The following ASCC3 variants were observed in gnomAD, a reference collection of about 807,000 sequenced individuals.
The protein encoded by ASCC3 is activating signal cointegrator 1 complex subunit 3.
In ASCC3, 158 loss-of-function variants were observed where a neutral mutation model predicts 256.3. The observed-to-expected ratio is 0.62, with a 90% CI of 0.54 to 0.70. ASCC3 has a LOEUF of 0.70. Ranked by LOEUF, ASCC3 falls within the 30% of genes least tolerant of loss-of-function variation. The pLI, the probability that ASCC3 is intolerant of heterozygous loss-of-function variation, is 0.00. For synonymous variants in ASCC3, 948 were observed against 883.4 expected (o/e 1.07, Z -1.30); for missense variants, 2,259 against 2,626.0 (o/e 0.86, Z 3.05).
In ASCC3 at chr6:100,605,666, C is replaced by G; in HGVS notation, c.5079G>C (p.Pro1693=). The change falls in exon 33 of 42, where the codon CCG becomes CCC. Residue 1693 remains proline, a synonymous_variant. Coordinates refer to ENST00000369162, the MANE Select transcript of ASCC3 (RefSeq NM_006828.4). ...CAGCTTTGCCTTGGTCATCGAACTGCGGCCTCCCAGCACGCCCCATCATCT... is the reference window on the plus strand; with the variant it reads ...CAGCTTTGCCTTGGTCATCGAACTGGGGCCTCCCAGCACGCCCCATCATCT... ...VLQMMGRAGR[P]QFDDQGKAVI... 1 of 1,613,020 alleles carries G rather than the reference C, an allele frequency of 6.2e-7. No homozygotes were observed. The highest frequency in any genetic ancestry group is 8.5e-7 in the Non-Finnish European group (1 of 1,179,210).
Position 100,520,919 on chromosome 6 carries a change from C to T in ASCC3, c.5776-2777G>A, listed in dbSNP as rs559792737. ...TGCCTCTGCTGTTCTTGACACACTCCACCATCATCCTTTTGTAATCCTCTG... is the reference window on the plus strand; with the variant it reads ...TGCCTCTGCTGTTCTTGACACACTCTACCATCATCCTTTTGTAATCCTCTG... On this transcript the variant is annotated intron_variant, in intron 37 of 41. Transcript: ENST00000369162. 3.3e-5 allele frequency among the ~76,000 whole-genome samples: 5 copies of T among 152,232 alleles called. No individual in the cohort carries two copies. In the East Asian group the frequency reaches 9.7e-4, roughly 29 times the overall value.
chr6:100,717,902 T>C (rs2115025086), intron 12 of ASCC3, among the ~76,000 whole-genome samples, 173 bp downstream of exon 12: 1 of 152,240 alleles, frequency 6.6e-6, no homozygotes, highest in East Asian at 1.9e-4. Flanking sequence ...GGAAGTATGC[T>C]TGATTTTGTC....
chr6:100,758,362 C>T (rs1781282084), intron 10 of ASCC3, among the ~76,000 whole-genome samples: 1 of 152,098 alleles, frequency 6.6e-6, no homozygotes, highest in Non-Finnish European at 1.5e-5. Flanking sequence ...TCTAAGTTCC[C>T]TCCCCTCACC....
At chr6:100,628,809 A>T (rs1391775211) in intron 27 of ASCC3, among the ~76,000 whole-genome samples, 2 of 151,984 alleles carry the variant, frequency 1.3e-5, no homozygotes, top group African/African-American at 4.8e-5. Context: ...CTAAGAGAAA[A>T]TTTTTTATGT....
chr6:100,544,009 A>G (rs1302658054), intron 36 of ASCC3, among the ~76,000 whole-genome samples: 1 of 152,098 alleles, frequency 6.6e-6, no homozygotes, highest in Admixed American at 6.5e-5. Flanking sequence ...TGAGAAACCA[A>G]TGACAGACAG....
chr6:100,822,382 C>T (rs921610630), intron 4 of ASCC3, among the ~76,000 whole-genome samples: 2 of 151,812 alleles, frequency 1.3e-5, no homozygotes, highest in Admixed American at 1.3e-4. Flanking sequence ...TCAAAAAATA[C>T]AAAAATTAGC....
At chr6:100,840,938 GA>G (rs1254320874) in intron 4 of ASCC3, among the ~76,000 whole-genome samples, 6 of 148,444 alleles carry the variant, frequency 4.0e-5, no homozygotes, top group South Asian at 2.1e-4. Context: ...TCACTATACT[GA>G]AAAAAAAAGA....
chr6:100,862,096 G>A (rs893628530), intron 3 of ASCC3, among the ~76,000 whole-genome samples: 3 of 152,156 alleles, frequency 2.0e-5, no homozygotes, highest in Non-Finnish European at 4.4e-5. Context: ...TCTTACAAAT[G>A]AAGATGTGAT....
chr6:100,726,804 G>A (rs1779650441), intron 10 of ASCC3, among the ~76,000 whole-genome samples: 1 of 151,944 alleles, frequency 6.6e-6, no homozygotes, highest in South Asian at 2.1e-4. Context: ...ATCTGCTCTT[G>A]CATTAGGGCC....
At chr6:100,873,132 T>TAAAATAAATAAA (rs144017505) in intron 1 of ASCC3, among the ~76,000 whole-genome samples, 106,911 of 151,674 alleles carry the variant, frequency 0.7, 37,892 homozygotes, top group East Asian at 0.75. Flanking sequence ...TTATGGAAAT[T>TAAAATAAATAAA]TAAATAAACA....
In ASCC3 at chr6:100,646,641, A is replaced by C; in HGVS notation, c.3607T>G (p.Tyr1203Asp). Residue 1203 changes from tyrosine (Y) to aspartate (D), a missense_variant, in exon 22 of 42, where the codon TAT becomes GAT. Tyr to Asp is a radical substitution (Grantham distance 160). Transcript: ENST00000369162. Reference sequence around the variant, plus strand: ...TGATCATTCCAAGTGAAATCAGCATAGATGCTGAGTGTCACTCGGAGGACA... The same window carrying C: ...TGATCATTCCAAGTGAAATCAGCATCGATGCTGAGTGTCACTCGGAGGACA... ...RTVLRVTLSIYADFTWNDQVH... is the reference protein window; with the variant it reads ...RTVLRVTLSIDADFTWNDQVH... 6.2e-6 allele frequency: 10 copies of C among 1,613,958 alleles called. No homozygotes were observed. Among genetic ancestry groups the C allele is most frequent in the Non-Finnish European group, 8.5e-6 (10 of 1,179,832 alleles).
At chr6:100,646,299 T>G (rs1775375169) in intron 22 of ASCC3, among the ~76,000 whole-genome samples, 1 of 151,910 alleles carries the variant, frequency 6.6e-6, no homozygotes, top group South Asian at 2.1e-4. Context: ...ATTGCTATAA[T>G]TTTTTACTAT....
intron 5 of ASCC3, among the ~76,000 whole-genome samples, chr6:100,805,361 G>A (rs1770122505): frequency 6.6e-6 from 1 of 152,028 alleles, no homozygotes; most frequent in Non-Finnish European, 1.5e-5. Flanking sequence ...ATTCCAAAAG[G>A]GGAGCGAGAG....
At chr6:100,816,147 A>G (rs1325758301) in intron 4 of ASCC3, among the ~76,000 whole-genome samples, 1 of 152,148 alleles carries the variant, frequency 6.6e-6, no homozygotes, top group Non-Finnish European at 1.5e-5. Context: ...ACCAAAAAGC[A>G]TATGAAAAAA....
intron 23 of ASCC3, 83 bp from the exon 24 acceptor site, chr6:100,642,832 T>C: frequency 8.0e-7 from 1 of 1,245,118 alleles, no homozygotes; most frequent in East Asian, 2.4e-5. Flanking sequence ...GATAACGGTA[T>C]CTCTACAAGA....
At chr6:100,521,349 C>A (rs1354428310) in intron 37 of ASCC3, among the ~76,000 whole-genome samples, 4 of 152,076 alleles carry the variant, frequency 2.6e-5, no homozygotes, top group Non-Finnish European at 4.4e-5. Context: ...CAAAAGAAAT[C>A]ATACGCTGAG....
intron 16 of ASCC3, among the ~76,000 whole-genome samples, chr6:100,657,192 G>T (rs1198205073): frequency 1.3e-5 from 2 of 151,196 alleles, no homozygotes; most frequent in African/African-American, 4.8e-5. Flanking sequence ...ATGACCAAAA[G>T]TTGAAATATA....
intron 8 of ASCC3, among the ~76,000 whole-genome samples, chr6:100,789,626 C>A (rs117436201): frequency 0.018 from 2,750 of 151,972 alleles, 51 homozygotes; most frequent in South Asian, 0.031. Flanking sequence ...GAACAAAGTA[C>A]ATTTTACTCA....
At chr6:100,630,692 T>C (rs915438930) in intron 26 of ASCC3, among the ~76,000 whole-genome samples, 7 of 151,978 alleles carry the variant, frequency 4.6e-5, no homozygotes, top group African/African-American at 1.7e-4. Flanking sequence ...AAATTATTAA[T>C]GAAAAAAACC....
Sources: allele counts gnomAD v4.1 joint callset (sites outside exome capture counted in the v4.1 genomes callset), GRCh38; gene constraint gnomAD v4.1.1; transcripts MANE v1.5; gene names NCBI Gene and HGNC (gene_info 2026-07-23, HGNC 2026-07-21).